OR3A2: variants seen among roughly 807,000 people sequenced by gnomAD.
OR3A2 encodes olfactory receptor 3A2.
For missense variants in OR3A2, 318 were observed against 392.8 expected (o/e 0.81, Z 1.61); for synonymous variants, 126 against 159.3 (o/e 0.79, Z 1.57).
At chr17:3,329,036 C>A (rs2049204416) in intron 3 of OR3A2, among the ~76,000 whole-genome samples, 1 of 151,102 alleles carries the variant, frequency 6.6e-6, no homozygotes, top group African/African-American at 2.4e-5. Flanking sequence ...TATATTGAAC[C>A]AGCCTTGCAT....
intron 2 of OR3A2, among the ~76,000 whole-genome samples, chr17:3,370,940 G>A (rs1026805283): frequency 2.0e-5 from 3 of 152,140 alleles, no homozygotes; most frequent in African/African-American, 7.2e-5. Context: ...CACAGGGTTG[G>A]GGGTAGGGTC....
Position 3,278,023 on chromosome 17 carries a change from C to T in OR3A2, c.895G>A (p.Asp299Asn), listed in dbSNP as rs182392430. 1.1e-4 allele frequency: 181 copies of T among 1,609,486 alleles called. No homozygotes were observed. The African/African-American group carries it at 2.2e-3, about 20-fold the overall frequency. Reference sequence around the variant, plus strand: ...ATTTGCCACAGAGCACCCTGAACATCAGGGTTTCTGAGGCTGTAGATAAGA... The same window carrying T: ...ATTTGCCACAGAGCACCCTGAACATTAGGGTTTCTGAGGCTGTAGATAAGA... Residue 299 changes from aspartate (D) to asparagine (N), a missense_variant, in exon 2 of 2, where the codon GAT becomes AAT. Asp to Asn is a conservative substitution (Grantham distance 23, BLOSUM62 1). Transcript: ENST00000642052.
chr17:3,317,691 A>G (rs1393755687), intron 3 of OR3A2, among the ~76,000 whole-genome samples: 2 of 152,278 alleles, frequency 1.3e-5, no homozygotes, highest in East Asian at 3.9e-4. Flanking sequence ...GAGGTACAGA[A>G]TTACTGAGTC....
At position 3,277,490 on chromosome 17, in the gene OR3A2, G is replaced by A. The variant is rs113080935; in HGVS notation, c.*480C>T. On this transcript the variant is annotated 3_prime_UTR_variant, in exon 2 of 2. Transcript: ENST00000642052. ...TTGGTCACTTAGGCTGTGATTGACC[G>A]ACTGGACATTCTTTGTAGAATGCTG... is the stretch of plus-strand genomic sequence containing the variant. The A allele has an allele frequency of 7.5e-3, 1,181 of 157,254 alleles. 3 individuals carry two copies. Among genetic ancestry groups the A allele is most frequent in the Middle Eastern group, 0.014 (4 of 294 alleles). The allele number at this position is 157,254 out of a possible 1,614,324, so 9.7% of individuals were successfully genotyped here. A position where few individuals can be genotyped will look rare whatever the true frequency, so the allele number is the denominator to read the frequency against.
chr17:3,284,867 A>G (rs2048798386), upstream of OR3A2, among the ~76,000 whole-genome samples: 1 of 148,714 alleles, frequency 6.7e-6, no homozygotes, highest in Admixed American at 6.8e-5. Context: ...ATTTGAGCAG[A>G]AACAAGCCAA....
upstream of OR3A2, among the ~76,000 whole-genome samples, chr17:3,286,286 G>T (rs950016903): frequency 2.6e-5 from 4 of 152,150 alleles, no homozygotes; most frequent in African/African-American, 9.7e-5. Context: ...TGGTATATAT[G>T]TGCCACATTT....
chr17:3,276,313 CAG>C (rs780909742), downstream of OR3A2, among the ~76,000 whole-genome samples: 1 of 152,072 alleles, frequency 6.6e-6, no homozygotes, highest in Non-Finnish European at 1.5e-5. Flanking sequence ...GCAGGAAAAA[CAG>C]GAAGCAGATC....
intron 3 of OR3A2, among the ~76,000 whole-genome samples, chr17:3,321,399 A>G (rs1049050415): frequency 3.9e-5 from 6 of 152,244 alleles, no homozygotes; most frequent in African/African-American, 1.4e-4. Flanking sequence ...TGCCCTGGCC[A>G]GAACTTCCAA....
chr17:3,326,708 C>T (rs1220519978), intron 3 of OR3A2, among the ~76,000 whole-genome samples: 13 of 114,360 alleles, frequency 1.1e-4, no homozygotes, highest in African/African-American at 4.5e-4. Context: ...CCCCCCTCCC[C>T]CCACTCCACC....
At chr17:3,312,201 T>C (rs1229444616) in intron 3 of OR3A2, among the ~76,000 whole-genome samples, 3 of 152,204 alleles carry the variant, frequency 2.0e-5, no homozygotes, top group Non-Finnish European at 4.4e-5. Flanking sequence ...GGAGACAAAC[T>C]ATTTTGTATT....
intron 2 of OR3A2, among the ~76,000 whole-genome samples, chr17:3,346,957 C>T (rs9902892): frequency 1.3e-5 from 2 of 152,016 alleles, no homozygotes; most frequent in Non-Finnish European, 2.9e-5. Flanking sequence ...ACTTAGGTTG[C>T]CTCCCAAAGC....
At chr17:3,323,560 C>T (rs1194661278) in intron 3 of OR3A2, among the ~76,000 whole-genome samples, 8 of 152,064 alleles carry the variant, frequency 5.3e-5, no homozygotes, top group Non-Finnish European at 8.8e-5. Context: ...CTGGTGGTGA[C>T]AAAATCTCTC....
intron 2 of OR3A2, among the ~76,000 whole-genome samples, chr17:3,364,872 C>T (rs1392919918): frequency 6.6e-6 from 1 of 151,382 alleles, no homozygotes; most frequent in Admixed American, 6.6e-5. Context: ...ATTATATGTG[C>T]ATTTTAAATA....
intron 3 of OR3A2, among the ~76,000 whole-genome samples, chr17:3,294,564 T>C (rs1409026918): frequency 6.6e-6 from 1 of 152,182 alleles, no homozygotes; most frequent in Non-Finnish European, 1.5e-5. Context: ...CACTTGACTT[T>C]ACAATTCAAA....
chr17:3,339,310 A>G (rs1475565560), intron 2 of OR3A2, among the ~76,000 whole-genome samples: 2 of 152,214 alleles, frequency 1.3e-5, no homozygotes, highest in Non-Finnish European at 2.9e-5. Flanking sequence ...ACTATGTTCA[A>G]TAGGAGTGGT....
chr17:3,362,770 C>T (rs2049529216), intron 2 of OR3A2, among the ~76,000 whole-genome samples: 1 of 151,766 alleles, frequency 6.6e-6, no homozygotes, highest in Non-Finnish European at 1.5e-5. Flanking sequence ...CTGCAGCAGA[C>T]TTCTACCTGG....
At chr17:3,316,516 G>T (rs2150633535) in intron 3 of OR3A2, among the ~76,000 whole-genome samples, 1 of 152,260 alleles carries the variant, frequency 6.6e-6, no homozygotes, top group East Asian at 1.9e-4. Flanking sequence ...AATTATAACA[G>T]TAGTATATTT....
rs527968155 is a variant in OR3A2 at position 3,321,704 on chromosome 17, C to A, written c.-85+14329G>T. Among the ~76,000 whole-genome samples, 139 of 152,282 alleles carry A rather than the reference C, an allele frequency of 9.1e-4. No homozygotes were observed. The East Asian group carries it at 0.02, about 22-fold the overall frequency. ...CATTTATTGATTGGCATATGTTGAA[C>A]CAGCCTTGCATCCCAGGGATGAAGC... On this transcript the variant is annotated intron_variant, in intron 3 of 4. Transcript: ENST00000573491.
At chr17:3,309,788 T>A (rs1382689038) in intron 3 of OR3A2, among the ~76,000 whole-genome samples, 2 of 152,172 alleles carry the variant, frequency 1.3e-5, no homozygotes, top group Non-Finnish European at 2.9e-5. Flanking sequence ...CGCATGTTAA[T>A]CTTTTAATAG....
Sources: allele counts gnomAD v4.1 joint callset (sites outside exome capture counted in the v4.1 genomes callset), GRCh38; gene constraint gnomAD v4.1.1; transcripts MANE v1.5; gene names NCBI Gene and HGNC (gene_info 2026-07-23, HGNC 2026-07-21).